The following CSE1L variants were observed in gnomAD, a reference collection of about 807,000 sequenced individuals.
The protein encoded by CSE1L is exportin-2.
A neutral mutation model predicts 120.4 loss-of-function variants in CSE1L; 24 were observed. The ratio of observed to expected loss-of-function variants is 0.20; its 90% CI spans 0.14 to 0.28. The LOEUF is 0.28. Ranked by LOEUF, CSE1L falls within the 10% of genes least tolerant of loss-of-function variation. CSE1L has a pLI of 1.00. For synonymous variants in CSE1L, 402 were observed against 398.3 expected, an observed-to-expected ratio of 1.01 and a Z score of -0.11; for missense variants, 830 against 1,145.2, an observed-to-expected ratio of 0.72 and a Z score of 3.97.
At chr20:49,053,428 G>A (rs1360946772) in intron 1 of CSE1L, among the ~76,000 whole-genome samples, 1 of 123,302 alleles carries the variant, frequency 8.1e-6, no homozygotes, top group Non-Finnish European at 1.6e-5. Context: ...GCGCAATCTC[G>A]CCTCATTGCA....
chr20:49,076,209 C>G (rs886464159), intron 12 of CSE1L, among the ~76,000 whole-genome samples: 1 of 150,354 alleles, frequency 6.7e-6, no homozygotes, highest in Non-Finnish European at 1.5e-5. Context: ...TGTTTTGAGA[C>G]GGAGTTTCGC....
At chr20:49,060,042 A>G (rs2091839615) in intron 2 of CSE1L, among the ~76,000 whole-genome samples, 1 of 151,780 alleles carries the variant, frequency 6.6e-6, no homozygotes, top group Non-Finnish European at 1.5e-5. Context: ...AAAATTAGCC[A>G]AGTGTGGTGA....
chr20:49,087,943 C>A, intron 16 of CSE1L, 66 bp from the exon 17 acceptor site: 1 of 1,073,370 alleles, frequency 9.3e-7, no homozygotes, highest in Non-Finnish European at 1.4e-6. Flanking sequence ...TTTTTCCCCC[C>A]AGTCGCTCTC....
At chr20:49,085,157 CAATT>C in intron 15 of CSE1L, 122 bp from the exon 16 acceptor site, 1 of 699,056 alleles carries the variant, frequency 1.4e-6, no homozygotes, top group South Asian at 1.6e-5. Context: ...AACTGTCTAT[CAATT>C]GTCAGTGGTG....
intron 1 of CSE1L, among the ~76,000 whole-genome samples, chr20:49,051,404 G>A (rs191847855): frequency 1.7e-4 from 26 of 152,306 alleles, no homozygotes; most frequent in African/African-American, 6.0e-4. Context: ...TCAGCCGGGC[G>A]TGGTGGCACG....
intron 2 of CSE1L, among the ~76,000 whole-genome samples, chr20:49,061,709 T>A (rs570727173): frequency 4.9e-4 from 74 of 151,876 alleles, no homozygotes; most frequent in African/African-American, 1.7e-3. Context: ...TTCACCAGGT[T>A]AGTCAGGATG....
chr20:49,062,945 T>C (rs1482646798), intron 2 of CSE1L, among the ~76,000 whole-genome samples: 1 of 151,874 alleles, frequency 6.6e-6, no homozygotes, highest in Non-Finnish European at 1.5e-5. Flanking sequence ...GAGATGATCA[T>C]CCAATTAGGC....
chr20:49,066,527 T>G lies in CSE1L; in HGVS notation c.476+17T>G. Reference sequence around the variant, plus strand: ...ATTTAAAAGGTATTGATGCATAGATTCATGTTTTTAAAATACTTTCTAAAG... The same window carrying G: ...ATTTAAAAGGTATTGATGCATAGATGCATGTTTTTAAAATACTTTCTAAAG... On this transcript the variant is annotated intron_variant, in intron 5 of 24. Transcript: ENST00000262982. The G allele has an allele frequency of 1.3e-6, 2 of 1,580,132 alleles. No homozygotes were observed. The highest frequency in any genetic ancestry group is 2.3e-5 in the South Asian group (2 of 87,156).
Position 49,096,507 on chromosome 20 carries a change from C to G in CSE1L, c.*69C>G, listed in dbSNP as rs1400961716. The G allele has an allele frequency of 8.6e-7, 1 of 1,156,812 alleles. No homozygotes were observed. Among genetic ancestry groups the G allele is most frequent in the African/African-American group, 1.5e-5 (1 of 65,470 alleles). The allele number at this position is 1,156,812 out of a possible 1,614,324, so 71.7% of individuals were successfully genotyped here. ...AATCACAGGCTTCTGAGCACAGCTG[C>G]ATTAAAACAAAGGAAGTTCTCCTTT... On this transcript the variant is annotated 3_prime_UTR_variant, in exon 25 of 25. Coordinates refer to ENST00000262982, the MANE Select transcript of CSE1L (RefSeq NM_001316.4).
At chr20:49,082,874 C>T (rs1021064348) in intron 14 of CSE1L, among the ~76,000 whole-genome samples, 2 of 151,990 alleles carry the variant, frequency 1.3e-5, no homozygotes, top group African/African-American at 4.8e-5. Context: ...GGCTGGAGTG[C>T]AGTGGTGCGA....
chr20:49,075,914 C>A (rs1420407661), intron 12 of CSE1L, among the ~76,000 whole-genome samples: 1 of 152,080 alleles, frequency 6.6e-6, no homozygotes, highest in Non-Finnish European at 1.5e-5. Flanking sequence ...TCACTGCAAC[C>A]TCCACCTCCC....
chr20:49,049,263 GCCTGGGCTGA>G (rs148003225), intron 1 of CSE1L, among the ~76,000 whole-genome samples: 14,975 of 150,894 alleles, frequency 0.099, 997 homozygotes, highest in African/African-American at 0.19. Flanking sequence ...TCACTGTGTT[GCCTGGGCTGA>G]CCTGGGCTCA....
chr20:49,092,229 T>C, intron 22 of CSE1L, 102 bp downstream of exon 22: 2 of 638,456 alleles, frequency 3.1e-6, no homozygotes, highest in Non-Finnish European at 5.3e-6. Context: ...TGGTTCTTGG[T>C]ATGGAGATAG....
rs2092073410 is a variant in CSE1L, at chr20:49,088,044, A to G, written c.1759A>G (p.Ile587Val). The G allele has an allele frequency of 1.9e-6, 3 of 1,612,642 alleles. No homozygotes were observed. In the East Asian group the frequency reaches 6.7e-5, roughly 36 times the overall value. ...AAGTTTTTCTCTCCTACAAGAAGCC[A>G]TAATCCCCTACATCCCTACTCTCAT... Reference protein sequence around the residue: ...MRSFSLLQEAIIPYIPTLITQ... With the variant: ...MRSFSLLQEAVIPYIPTLITQ... The change falls in exon 17 of 25, where the codon ATA (isoleucine) becomes GTA (valine). Residue 587 changes from isoleucine to valine, a missense_variant. By Grantham distance (29) the Ile-to-Val change is conservative. Coordinates refer to ENST00000262982, the MANE Select transcript of CSE1L (RefSeq NM_001316.4).
Position 49,072,308 on chromosome 20 carries a change from T to G in CSE1L, c.791T>G (p.Leu264Trp), listed in dbSNP as rs1327907011. Residue 264 changes from leucine (L) to tryptophan (W), a missense_variant, in exon 9 of 25, where the codon TTG becomes TGG. Transcript: ENST00000262982. The part of the protein sequence containing the change: ...QTDDEEEAGL[L>W]ELLKSQICDN... Reference sequence around the variant, plus strand: ...GAGGATGAAGAGGAAGCCGGCTTATTGGAGCTCTTAAAATCCCAGATTTGT... The same window carrying G: ...GAGGATGAAGAGGAAGCCGGCTTATGGGAGCTCTTAAAATCCCAGATTTGT... 1.2e-6 allele frequency: 2 copies of G among 1,614,168 alleles called. No homozygotes were observed. Among genetic ancestry groups the G allele is most frequent in the South Asian group, 2.2e-5 (2 of 91,088 alleles).
chr20:49,096,313 C>G lies in CSE1L; in HGVS notation c.2827-36C>G, dbSNP rs374412583. The G allele has an allele frequency of 2.0e-6, 3 of 1,536,384 alleles. No homozygotes were observed. The African/African-American group carries it at 4.1e-5, about 21-fold the overall frequency. On this transcript the variant is annotated intron_variant, in intron 24 of 24. Coordinates refer to ENST00000262982, the MANE Select transcript of CSE1L (RefSeq NM_001316.4). Reference sequence around the variant, plus strand: ...GGGGTTTGTATTGGCGCACCAAGATCTCCAACAGCCAGTGTGTGTTTCCCA... The same window carrying G: ...GGGGTTTGTATTGGCGCACCAAGATGTCCAACAGCCAGTGTGTGTTTCCCA...
At chr20:49,066,615 A>C (rs1036812346) in intron 5 of CSE1L, 105 bp downstream of exon 5, 24 of 1,029,946 alleles carry the variant, frequency 2.3e-5, no homozygotes, top group Non-Finnish European at 3.1e-5. Flanking sequence ...GAATCTGATC[A>C]TCTTGGAATG....
intron 15 of CSE1L, among the ~76,000 whole-genome samples, chr20:49,084,807 C>G (rs1271348593): frequency 6.9e-6 from 1 of 145,578 alleles, no homozygotes; most frequent in Non-Finnish European, 1.5e-5. Context: ...GTTCTAGGTT[C>G]TTTCCTTCAT....
At chr20:49,065,628 T>C (rs1172995633) in intron 3 of CSE1L, among the ~76,000 whole-genome samples, 4 of 117,164 alleles carry the variant, frequency 3.4e-5, no homozygotes, top group East Asian at 3.1e-4. Flanking sequence ...AGAGTCACTC[T>C]TGTTGCCCAG....
Sources: allele counts gnomAD v4.1 joint callset (sites outside exome capture counted in the v4.1 genomes callset), GRCh38; gene constraint gnomAD v4.1.1; transcripts MANE v1.5; gene names NCBI Gene and HGNC (gene_info 2026-07-23, HGNC 2026-07-21).